JCAD: variants seen among roughly 807,000 people sequenced by gnomAD.
JCAD encodes the protein junctional cadherin 5-associated protein.
In JCAD, 40 loss-of-function variants were observed where a neutral mutation model predicts 98.0. That is an observed-to-expected ratio of 0.41 (90% CI 0.32 to 0.53). JCAD has a LOEUF of 0.53. Among genes scored for constraint, JCAD ranks in the 20% least tolerant of loss-of-function variants. JCAD has a pLI of 0.31. For missense variants in JCAD, 1,705 were observed against 1,738.1 expected (o/e 0.98, Z 0.34); for synonymous variants, 691 against 682.3 (o/e 1.01, Z -0.20).
At chr10:30,090,635 C>T (rs564487018) in intron 1 of JCAD, among the ~76,000 whole-genome samples, 159 of 152,132 alleles carry the variant, frequency 1.0e-3, no homozygotes, top group Non-Finnish European at 2.2e-4. Flanking sequence ...TTGTCTACTC[C>T]TAAATCCCTT....
At chr10:30,092,211 T>C (rs1222581428) in intron 1 of JCAD, among the ~76,000 whole-genome samples, 1 of 147,416 alleles carries the variant, frequency 6.8e-6, no homozygotes, top group Non-Finnish European at 1.5e-5. Flanking sequence ...TCTACGACAC[T>C]AGGGATCCTC....
At chr10:30,018,383 G>A (rs921097285) in intron 3 of JCAD, among the ~76,000 whole-genome samples, 4 of 151,168 alleles carry the variant, frequency 2.6e-5, no homozygotes, top group Non-Finnish European at 4.4e-5. Context: ...CCTTGAAGGC[G>A]TGAGGATCCT....
intron 1 of JCAD, among the ~76,000 whole-genome samples, chr10:30,070,781 T>C (rs1837871126): frequency 6.6e-6 from 1 of 152,184 alleles, no homozygotes; most frequent in African/African-American, 2.4e-5. Context: ...ACTACCTTAT[T>C]TGGGGTCAGG....
At chr10:30,033,632 G>A (rs1203309050) in intron 2 of JCAD, among the ~76,000 whole-genome samples, 5 of 152,190 alleles carry the variant, frequency 3.3e-5, no homozygotes, top group Non-Finnish European at 7.3e-5. Flanking sequence ...GTGCTTAGGT[G>A]TTATTATACA....
rs201220724 is a variant in JCAD, at chr10:30,028,199, T to G, written c.1949A>C (p.Gln650Pro). ...SMGGRTEFQK[Q>P]DLGEPEEDRQ... Reference sequence around the variant, plus strand: ...GTCTTCTTCTGGTTCCCCTAGATCTTGTTTTTGGAACTCCGTTCTCCCACC... The same window carrying G: ...GTCTTCTTCTGGTTCCCCTAGATCTGGTTTTTGGAACTCCGTTCTCCCACC... The change falls in exon 3 of 4, where the codon CAA becomes CCA. Residue 650 changes from glutamine (Q) to proline (P), a missense_variant. Transcript: ENST00000375377. The G allele has an allele frequency of 4.2e-5, 67 of 1,614,192 alleles. No homozygotes were observed. In the African/African-American group the frequency reaches 8.1e-4, roughly 20 times the overall value.
chr10:30,094,887 C>A (rs558009854), intron 1 of JCAD, among the ~76,000 whole-genome samples: 80 of 152,312 alleles, frequency 5.3e-4, no homozygotes, highest in African/African-American at 1.7e-3. Context: ...TCCTCCTACA[C>A]TCTCTCTGAA....
intron 1 of JCAD, among the ~76,000 whole-genome samples, chr10:30,052,484 T>C (rs112495705): frequency 1.2e-3 from 182 of 152,242 alleles, no homozygotes; most frequent in Non-Finnish European, 2.1e-3. Flanking sequence ...CAGGGCTAAA[T>C]AGGTCATCTG....
intron 1 of JCAD, among the ~76,000 whole-genome samples, chr10:30,093,744 T>C (rs1191750734): frequency 6.6e-6 from 1 of 152,222 alleles, no homozygotes; most frequent in African/African-American, 2.4e-5. Context: ...ATTCAGCAAG[T>C]ATTTGCAGAT....
At chr10:30,110,588 G>A (rs1588662022) in intron 1 of JCAD, among the ~76,000 whole-genome samples, 2 of 149,962 alleles carry the variant, frequency 1.3e-5, no homozygotes, top group African/African-American at 4.9e-5. Context: ...ACATATGGAC[G>A]CACTGATGTA....
At position 30,086,714 on chromosome 10, in the gene JCAD, C is replaced by A. The variant is rs577605666; in HGVS notation, n.129-16893G>T. ...TGGATGAAGCAATGGTGGGGCTGTC[C>A]ACCAAGCCTTTTCAAACTGTAGATT... On this transcript the variant is annotated intron_variant and non_coding_transcript_variant, in intron 1 of 2. Coordinates refer to the JCAD transcript ENST00000465712. 2.0e-5 allele frequency among the ~76,000 whole-genome samples: 3 copies of A among 152,308 alleles called. No individual in the cohort carries two copies. The South Asian group carries it at 6.2e-4, about 32-fold the overall frequency.
At chr10:30,038,221 A>G (rs1436055790) in intron 2 of JCAD, among the ~76,000 whole-genome samples, 1 of 152,122 alleles carries the variant, frequency 6.6e-6, no homozygotes, top group African/African-American at 2.4e-5. Context: ...TCCTTTTCAT[A>G]AATTAGTAAA....
At chr10:30,064,117 T>A (rs1050649605), upstream of JCAD, among the ~76,000 whole-genome samples, 1 of 152,166 alleles carries the variant, frequency 6.6e-6, no homozygotes, top group African/African-American at 2.4e-5. Context: ...AGAGATGGGA[T>A]CTTTAAGAGA....
Position 30,026,396 on chromosome 10 carries a change from G to A in JCAD, c.3752C>T (p.Pro1251Leu). ...CAGGCGGTCAGGGTCTGCTCTCCTA[G>A]GCGGGGAGGCCAGTTTCTCTTGTAA... is the stretch of plus-strand genomic sequence containing the variant. ...ESLQEKLASP[P>L]RRADPDRLMR... Residue 1251 changes from proline (P) to leucine (L), a missense_variant, in exon 3 of 4, where the codon CCT (proline) becomes CTT (leucine). Physicochemically the swap from Pro to Leu is moderately conservative, Grantham distance 98 (BLOSUM62 -3). Transcript: ENST00000375377. The A allele has an allele frequency of 1.2e-6, 2 of 1,614,248 alleles. No individual in the cohort carries two copies. Among genetic ancestry groups the A allele is most frequent in the Non-Finnish European group, 8.5e-7 (1 of 1,180,046 alleles).
At position 30,017,564 on chromosome 10, in the gene JCAD, A is replaced by G; in HGVS notation, c.*319T>C. ...CACATTGAAATCTTCACCCAGAATG[A>G]GAGCAACACCAAACTATTTACCAGC... On this transcript the variant is annotated 3_prime_UTR_variant, in exon 4 of 4. Transcript: ENST00000375377. The G allele has an allele frequency of 2.3e-6, 1 of 428,160 alleles. No individual in the cohort carries two copies. Among genetic ancestry groups the G allele is most frequent in the Non-Finnish European group, 4.2e-6 (1 of 239,576 alleles). The allele number at this position is 428,160 out of a possible 1,614,324, so 26.5% of individuals were successfully genotyped here.
At chr10:30,078,392 G>A (rs1838015368) in intron 1 of JCAD, among the ~76,000 whole-genome samples, 2 of 152,164 alleles carry the variant, frequency 1.3e-5, no homozygotes, top group Admixed American at 1.3e-4. Context: ...GCAGGATGAA[G>A]GGTTTCTTTC....
intron 1 of JCAD, among the ~76,000 whole-genome samples, chr10:30,058,038 C>T (rs893502601): frequency 6.6e-6 from 1 of 152,200 alleles, no homozygotes; most frequent in Non-Finnish European, 1.5e-5. Context: ...CTGTACAGCC[C>T]ATGACCCTCA....
intron 1 of JCAD, among the ~76,000 whole-genome samples, chr10:30,053,973 A>G (rs1319878287): frequency 1.3e-5 from 2 of 152,110 alleles, no homozygotes; most frequent in Non-Finnish European, 2.9e-5. Context: ...GAGGTGGGAG[A>G]ATGGCTTGAA....
At chr10:30,098,717 G>A (rs1838418453) in intron 1 of JCAD, among the ~76,000 whole-genome samples, 1 of 152,142 alleles carries the variant, frequency 6.6e-6, no homozygotes, top group African/African-American at 2.4e-5. Context: ...TTAAGCTTTA[G>A]GATGACTCAT....
At chr10:30,087,229 G>A (rs1838180973) in intron 1 of JCAD, among the ~76,000 whole-genome samples, 1 of 152,082 alleles carries the variant, frequency 6.6e-6, no homozygotes, top group African/African-American at 2.4e-5. Flanking sequence ...GATCACCTAA[G>A]GTCAGCTCAA....
Sources: gnomAD v4.1 joint callset for allele counts (sites outside exome capture counted in the v4.1 genomes callset) on GRCh38, gnomAD v4.1.1 for gene constraint, MANE v1.5 for transcripts, NCBI Gene and HGNC (gene_info 2026-07-23, HGNC 2026-07-21) for gene names.